Variants in MED24 observed in about 807,000 individuals in gnomAD.
MED24 encodes the protein mediator complex subunit 24.
MED24 carries 74 observed loss-of-function variants against 118.8 expected under a neutral mutation model. That is an observed-to-expected ratio of 0.62 (90% CI 0.52 to 0.76). The LOEUF is 0.76. Among genes scored for constraint, MED24 ranks in the 30% least tolerant of loss-of-function variants. The pLI is 0.00. For synonymous variants in MED24, 521 were observed against 523.9 expected (o/e 0.99, Z 0.08); for missense variants, 1,041 against 1,278.9 (o/e 0.81, Z 2.84).
intron 6 of MED24, among the ~76,000 whole-genome samples, chr17:40,034,195 C>T (rs1983693389): frequency 1.3e-5 from 2 of 152,160 alleles, no homozygotes; most frequent in Admixed American, 1.3e-4. Flanking sequence ...GAAAAAAAGA[C>T]AAGACCTGAG....
chr17:40,052,153 C>T (rs1297640781), intron 3 of MED24, among the ~76,000 whole-genome samples: 4 of 150,030 alleles, frequency 2.7e-5, no homozygotes, highest in South Asian at 2.1e-4. Flanking sequence ...ATTAGCCAGG[C>T]GTGATGGCAG....
chr17:40,049,858 TAC>T (rs1263682332), intron 3 of MED24, among the ~76,000 whole-genome samples: 8 of 151,336 alleles, frequency 5.3e-5, no homozygotes, highest in Admixed American at 2.0e-4. Flanking sequence ...GTAAAAGAGA[TAC>T]ACATTCAGGC....
chr17:40,020,253 A>C lies in MED24; in HGVS notation c.2704+20T>G. On this transcript the variant is annotated intron_variant, in intron 24 of 25. Coordinates refer to ENST00000394128, the MANE Select transcript of MED24 (RefSeq NM_014815.4). ...CGTCCAGCTTAGCCCCAGGTTCGGC[A>C]GCAGGGGTGGGGAACTCACCCAGGA... 6.7e-7 allele frequency: 1 copy of C among 1,500,698 alleles called. No homozygotes were observed. The highest frequency in any genetic ancestry group is 2.4e-5 in the East Asian group (1 of 42,222). 93.0% of individuals were successfully genotyped at this position (1,500,698 alleles called of 1,614,324 possible). A position where few individuals can be genotyped will look rare whatever the true frequency, so the allele number is the denominator to read the frequency against.
chr17:40,046,141 G>C (rs1985162272), intron 3 of MED24, among the ~76,000 whole-genome samples: 2 of 144,370 alleles, frequency 1.4e-5, no homozygotes, highest in Non-Finnish European at 3.0e-5. Flanking sequence ...CTGGAGCGCA[G>C]TGGCGCGATC....
chr17:40,052,081 T>C (rs576520426), intron 3 of MED24, among the ~76,000 whole-genome samples: 1 of 152,114 alleles, frequency 6.6e-6, no homozygotes, highest in East Asian at 1.9e-4. Flanking sequence ...GATCACAAGG[T>C]CAGGAGTTCA....
intron 10 of MED24, 103 bp downstream of exon 10, chr17:40,031,940 G>C (rs745866613): frequency 7.6e-7 from 1 of 1,320,340 alleles, no homozygotes; most frequent in Non-Finnish European, 1.1e-6. Flanking sequence ...ACTCACATCC[G>C]GCTCTCTTCC....
Position 40,019,768 on chromosome 17 carries a change from G to A in MED24, c.2853+17C>T, listed in dbSNP as rs374974615. ...AGGCCCCAGCACCAGCAGGAGAGCC[G>A]GGAAGGTGGTACTCACGGTGGTGAA... On this transcript the variant is annotated intron_variant, in intron 25 of 25. Coordinates refer to ENST00000394128, the MANE Select transcript of MED24 (RefSeq NM_014815.4). 5.3e-5 allele frequency: 85 copies of A among 1,610,826 alleles called. 1 individual carries two copies. The highest frequency in any genetic ancestry group is 1.4e-4 in the South Asian group (13 of 90,790).
chr17:40,028,113 TG>T, intron 14 of MED24, 167 bp from the exon 15 acceptor site: 1 of 726,622 alleles, frequency 1.4e-6, no homozygotes, highest in Non-Finnish European at 2.3e-6. Context: ...TTTTGTTTTT[TG>T]TTTTTTTTTT....
chr17:40,044,364 A>T (rs1195224566), intron 3 of MED24, among the ~76,000 whole-genome samples: 1 of 151,748 alleles, frequency 6.6e-6, no homozygotes, highest in Non-Finnish European at 1.5e-5. Flanking sequence ...TACTAAAAAT[A>T]CAAAAATTAG....
chr17:40,045,872 G>C (rs1435897188), intron 3 of MED24, among the ~76,000 whole-genome samples: 1 of 152,136 alleles, frequency 6.6e-6, no homozygotes. Context: ...CCGCCTCCTG[G>C]GTTCAAGTGA....
At chr17:40,039,909 G>A (rs577308916) in intron 3 of MED24, among the ~76,000 whole-genome samples, 6 of 149,450 alleles carry the variant, frequency 4.0e-5, no homozygotes, top group South Asian at 2.1e-4. Flanking sequence ...TCAGCCTCCC[G>A]AGTAGCTGGG....
At chr17:40,027,565 C>T (rs745635813) in intron 15 of MED24, 100 bp from the exon 16 acceptor site, 18 of 1,092,886 alleles carry the variant, frequency 1.6e-5, no homozygotes, top group Non-Finnish European at 2.3e-5. Flanking sequence ...AGGTCAGGGA[C>T]CAAGTGGCTC....
chr17:40,020,249 C>A, intron 24 of MED24, 24 bp downstream of exon 24: 1 of 1,493,784 alleles, frequency 6.7e-7, no homozygotes. Context: ...GCCCCAGGTT[C>A]GGCAGCAGGG....
chr17:40,019,718 C>G (rs1433776177), intron 25 of MED24, 67 bp downstream of exon 25: 3 of 1,589,266 alleles, frequency 1.9e-6, no homozygotes, highest in African/African-American at 2.7e-5. Flanking sequence ...GAAGGAGGCC[C>G]CTCCCTGCTC....
At chr17:40,037,883 T>G (rs1475649017) in intron 3 of MED24, among the ~76,000 whole-genome samples, 10 of 147,654 alleles carry the variant, frequency 6.8e-5, no homozygotes, top group Non-Finnish European at 1.2e-4. Flanking sequence ...TGCACTCCAG[T>G]GTGGGCGACA....
chr17:40,043,429 A>G (rs915067967), intron 3 of MED24, among the ~76,000 whole-genome samples: 8 of 152,308 alleles, frequency 5.3e-5, no homozygotes, highest in Admixed American at 5.2e-4. Flanking sequence ...GGGTTTTGCT[A>G]GGCGGAACTT....
chr17:40,026,857 C>A lies in MED24; in HGVS notation c.1708G>T (p.Val570Leu). 6.2e-7 allele frequency: 1 copy of A among 1,612,612 alleles called. No individual in the cohort carries two copies. Among genetic ancestry groups the A allele is most frequent in the Non-Finnish European group, 8.5e-7 (1 of 1,178,930 alleles). ...LLNNSSEMKL[V>L]QMKWHEACLS... ...GGAGTGGGCGCCCGGGCCACTGACA[C>A]TAGCTTCATCTCCGAGGAGTTGTTG... Residue 570 changes from valine (V) to leucine (L), a missense_variant and splice_region_variant, in exon 17 of 26, where the codon GTG becomes TTG. This residue lies in a region of MED24 where 587 missense variants were observed against 694.4 expected (regional missense o/e 0.85). Transcript: ENST00000394128.
intron 3 of MED24, among the ~76,000 whole-genome samples, chr17:40,037,910 C>CA (rs769675825): frequency 0.03 from 2,440 of 82,580 alleles, 68 homozygotes; most frequent in African/African-American, 0.096. Context: ...GACTCTGTCT[C>CA]AAAAAAAAAA....
At chr17:40,045,111 A>G (rs1351172193) in intron 3 of MED24, among the ~76,000 whole-genome samples, 1 of 152,166 alleles carries the variant, frequency 6.6e-6, no homozygotes, top group Non-Finnish European at 1.5e-5. Flanking sequence ...TCAGTGAAAC[A>G]TTGATTATAA....
Sources: allele counts gnomAD v4.1 joint callset (sites outside exome capture counted in the v4.1 genomes callset), GRCh38; gene constraint gnomAD v4.1.1; regional missense constraint gnomAD v4.1.1; transcripts MANE v1.5; gene names NCBI Gene and HGNC (gene_info 2026-07-23, HGNC 2026-07-21).